The following C3orf20 variants were observed in gnomAD, a reference collection of about 807,000 sequenced individuals.
C3orf20 encodes uncharacterized protein C3orf20.
In C3orf20, 76 loss-of-function variants were observed where a neutral mutation model predicts 88.3. That is an observed-to-expected ratio of 0.86 (90% CI 0.72 to 1.04). The LOEUF is 1.04. C3orf20 is among the 50% of genes least tolerant of loss of function. The probability of loss-of-function intolerance (pLI) is 0.00; values close to 1 mark genes in which losing one functional copy is unlikely to be tolerated. For missense variants in C3orf20, 1,056 were observed against 1,123.3 expected, an observed-to-expected ratio of 0.94 and a Z score of 0.86; for synonymous variants, 436 against 437.4, an observed-to-expected ratio of 1.00 and a Z score of 0.04.
At chr3:14,762,081 G>T (rs2035579912) in intron 15 of C3orf20, among the ~76,000 whole-genome samples, 3 of 152,076 alleles carry the variant, frequency 2.0e-5, no homozygotes, top group African/African-American at 7.2e-5. Context: ...TTTTTTGTTT[G>T]TTTGTTTTGA....
chr3:14,758,552 A>G (rs912024150), intron 13 of C3orf20, among the ~76,000 whole-genome samples: 2 of 152,190 alleles, frequency 1.3e-5, no homozygotes, highest in South Asian at 4.1e-4. Context: ...TGAGCACATG[A>G]GCTGGGTGTC....
chr3:14,701,536 A>G lies in C3orf20; in HGVS notation c.746-1594A>G, dbSNP rs2033259986. 6.6e-6 allele frequency among the ~76,000 whole-genome samples: 1 copy of G among 152,110 alleles called. No individual in the cohort carries two copies. The highest frequency in any genetic ancestry group is 1.5e-5 in the Non-Finnish European group (1 of 68,018). On this transcript the variant is annotated intron_variant, in intron 5 of 16. Transcript: ENST00000253697. The surrounding 1 kb of genome is among the most constrained non-coding windows in gnomAD (Gnocchi z 4.6). ...CACATCCTCATACCACCTGACACCT[A>G]TCATGGAGGACAGCTGTGAAAATTA...
chr3:14,725,890 C>A (rs1372486299), intron 10 of C3orf20, among the ~76,000 whole-genome samples: 2 of 150,854 alleles, frequency 1.3e-5, no homozygotes, highest in African/African-American at 4.9e-5. Flanking sequence ...AAAAAATGAC[C>A]AGGACCCAGG....
chr3:14,699,321 A>T (rs899493578), intron 5 of C3orf20, among the ~76,000 whole-genome samples: 1 of 152,192 alleles, frequency 6.6e-6, no homozygotes, highest in Non-Finnish European at 1.5e-5. Flanking sequence ...AAGCAGAAGG[A>T]GTCCCTCACT....
At chr3:14,745,610 C>A (rs2035036933) in intron 12 of C3orf20, among the ~76,000 whole-genome samples, 1 of 152,104 alleles carries the variant, frequency 6.6e-6, no homozygotes, top group South Asian at 2.1e-4. Flanking sequence ...CACATTTGTA[C>A]AACTATATCT....
At chr3:14,705,696 C>T (rs140443043) in intron 7 of C3orf20, among the ~76,000 whole-genome samples, 1 of 152,246 alleles carries the variant, frequency 6.6e-6, no homozygotes, top group Non-Finnish European at 1.5e-5. Flanking sequence ...TTCATTTGAC[C>T]ACAAGGACTC....
chr3:14,761,443 G>T, intron 14 of C3orf20, 30 bp from the exon 15 acceptor site: 1 of 1,613,886 alleles, frequency 6.2e-7, no homozygotes, highest in Non-Finnish European at 8.5e-7. Context: ...ATGTGCTGAG[G>T]ATCTCTCCTC....
intron 15 of C3orf20, among the ~76,000 whole-genome samples, chr3:14,771,849 A>C (rs1293138273): frequency 1.3e-5 from 2 of 152,156 alleles, no homozygotes; most frequent in African/African-American, 4.8e-5. Context: ...CGAGTGTAGC[A>C]GCATTTGGGT....
chr3:14,677,748 G>A (rs921994158), intron 1 of C3orf20, among the ~76,000 whole-genome samples: 9 of 152,022 alleles, frequency 5.9e-5, no homozygotes, highest in African/African-American at 7.2e-5. Context: ...TGATCTGCCC[G>A]CCTCGGCCTC....
chr3:14,700,411 G>A (rs971188761), intron 5 of C3orf20, among the ~76,000 whole-genome samples: 1 of 152,084 alleles, frequency 6.6e-6, no homozygotes, highest in Non-Finnish European at 1.5e-5. Context: ...ATCTCTTAGG[G>A]TCTAACTTAC....
intron 12 of C3orf20, among the ~76,000 whole-genome samples, chr3:14,738,122 T>C (rs2034776918): frequency 6.6e-6 from 1 of 152,056 alleles, no homozygotes; most frequent in Admixed American, 6.6e-5. Context: ...CAAATTCCTG[T>C]TAAATGTTGA....
Position 14,704,492 on chromosome 3 carries a change from C to A in C3orf20, c.1034C>A (p.Thr345Asn), listed in dbSNP as rs763491485. 4 of 1,614,064 alleles carry A rather than the reference C, an allele frequency of 2.5e-6. No individual in the cohort carries two copies. In the Admixed American group the frequency reaches 5.0e-5, roughly 20 times the overall value. ...TACCCTCCCACTGCAGGTGCTCAGA[C>A]TCTCAGCCCCACCTCTCACCCATCT... Reference protein sequence around the residue: ...LHYPPTAGAQTLSPTSHPSSA... With the variant: ...LHYPPTAGAQNLSPTSHPSSA... Residue 345 changes from threonine to asparagine, a missense_variant, in exon 7 of 17, where the codon ACT becomes AAT. Physicochemically the swap from Thr to Asn is moderately conservative, Grantham distance 65 (BLOSUM62 0). Coordinates refer to ENST00000253697, the MANE Select transcript of C3orf20 (RefSeq NM_032137.5).
At chr3:14,757,848 C>T (rs1157008785) in intron 13 of C3orf20, among the ~76,000 whole-genome samples, 174 bp downstream of exon 13, 1 of 152,196 alleles carries the variant, frequency 6.6e-6, no homozygotes, top group Non-Finnish European at 1.5e-5. Context: ...CAGTGTCCTC[C>T]CTCCCCCTGC....
intron 15 of C3orf20, 122 bp downstream of exon 15, chr3:14,761,737 A>C: frequency 5.3e-5 from 18 of 337,568 alleles, no homozygotes; most frequent in Non-Finnish European, 8.5e-5. Context: ...TGGAGTGGGG[A>C]GGGGGGCTGG....
chr3:14,741,405 G>A (rs2034894665), intron 12 of C3orf20, among the ~76,000 whole-genome samples: 1 of 152,040 alleles, frequency 6.6e-6, no homozygotes, highest in Non-Finnish European at 1.5e-5. Context: ...TGCCTTGAAA[G>A]GTAAAAGAGT....
chr3:14,717,809 C>A (rs879407242), intron 9 of C3orf20, among the ~76,000 whole-genome samples: 1 of 151,918 alleles, frequency 6.6e-6, no homozygotes, highest in Non-Finnish European at 1.5e-5. Flanking sequence ...AAAAAAAAAT[C>A]TCTTTATTAA....
rs147712757 is a variant in C3orf20, at chr3:14,704,621, A to G, written c.1160+3A>G. On this transcript the variant is annotated splice_donor_region_variant and intron_variant, in intron 7 of 16. Transcript: ENST00000253697. ...TATGATGGCTCCTCCTTCGTTTAGT[A>G]TCCTTTTATTTGGTACCACCCTATC... The G allele has an allele frequency of 5.0e-4, 808 of 1,612,222 alleles. 3 individuals are homozygous for G. In the African/African-American group the frequency reaches 9.9e-3, roughly 20 times the overall value.
chr3:14,693,566 T>A (rs2032833221), intron 5 of C3orf20, among the ~76,000 whole-genome samples: 1 of 152,200 alleles, frequency 6.6e-6, no homozygotes, highest in Non-Finnish European at 1.5e-5. Context: ...CCTTACTGAG[T>A]TTATCAGTTC....
Position 14,726,929 on chromosome 3 carries a change from A to G in C3orf20, c.1595A>G (p.Asp532Gly). The G allele has an allele frequency of 6.2e-7, 1 of 1,614,180 alleles. No individual in the cohort carries two copies. The highest frequency in any genetic ancestry group is 2.2e-5 in the East Asian group (1 of 44,880). ...RLNRRISNMD[D>G]KVYKMSRALA... ...AACCGCAGAATCAGCAACATGGACG[A>G]CAAGGTGTATAAGATGAGCCGAGCC... The change falls in exon 11 of 17, where the codon GAC (aspartate) becomes GGC (glycine). Residue 532 changes from aspartate to glycine, a missense_variant. Transcript: ENST00000253697.
Sources: allele counts gnomAD v4.1 joint callset (sites outside exome capture counted in the v4.1 genomes callset), GRCh38; gene constraint gnomAD v4.1.1; non-coding constraint Gnocchi (gnomAD v3.1); transcripts MANE v1.5; gene names NCBI Gene and HGNC (gene_info 2026-07-23, HGNC 2026-07-21).